RAD52: variants seen among roughly 807,000 people sequenced by gnomAD.
RAD52 encodes the protein DNA repair protein RAD52 homolog.
A neutral mutation model predicts 55.5 loss-of-function variants in RAD52; 47 were observed. That is an observed-to-expected ratio of 0.85 (90% CI 0.67 to 1.08). The LOEUF is 1.08. RAD52 is among the 50% of genes least tolerant of loss of function. The pLI, the probability that RAD52 is intolerant of heterozygous loss-of-function variation, is 0.00. For synonymous variants in RAD52, 184 were observed against 198.9 expected (o/e 0.92, Z 0.63); for missense variants, 468 against 522.8 (o/e 0.90, Z 1.02).
intron 1 of RAD52, among the ~76,000 whole-genome samples, chr12:935,399 T>C (rs939007105): frequency 4.1e-5 from 5 of 123,292 alleles, no homozygotes; most frequent in Non-Finnish European, 9.1e-5. Context: ...TTTTTTTTTT[T>C]GTAAGCGTTT....
At chr12:919,276 T>C (rs925277640) in intron 7 of RAD52, among the ~76,000 whole-genome samples, 1 of 151,998 alleles carries the variant, frequency 6.6e-6, no homozygotes, top group Non-Finnish European at 1.5e-5. Flanking sequence ...CGAAACCCCA[T>C]TTCTACTAAA....
chr12:922,200 A>AAAC (rs1555170804), intron 7 of RAD52, among the ~76,000 whole-genome samples: 1 of 147,236 alleles, frequency 6.8e-6, no homozygotes, highest in Non-Finnish European at 1.5e-5. Context: ...TTAAAAAAAA[A>AAAC]AAAAAAAAAA....
chr12:926,065 C>T (rs182406170), intron 6 of RAD52, among the ~76,000 whole-genome samples: 6 of 152,244 alleles, frequency 3.9e-5, no homozygotes, highest in Admixed American at 1.3e-4. Context: ...CATGTTGAAA[C>T]GTGACCTCCA....
At chr12:936,166 C>A (rs1957616323) in intron 1 of RAD52, among the ~76,000 whole-genome samples, 1 of 151,398 alleles carries the variant, frequency 6.6e-6, no homozygotes, top group Admixed American at 6.6e-5. Context: ...TAGCCAGATG[C>A]AGTGGCGCGT....
chr12:949,047 C>A (rs183671880), intron 1 of RAD52, among the ~76,000 whole-genome samples: 5 of 152,146 alleles, frequency 3.3e-5, no homozygotes, highest in Admixed American at 3.3e-4. Context: ...AAGTGAGCGT[C>A]AAATTTTTAT....
rs368484425 is a variant in RAD52 at position 931,251 on chromosome 12, A to G, written c.155T>C (p.Ile52Thr). 1.2e-6 allele frequency: 2 copies of G among 1,612,608 alleles called. No homozygotes were observed. The highest frequency in any genetic ancestry group is 1.7e-6 in the Non-Finnish European group (2 of 1,179,656). The change falls in exon 3 of 12, where the codon ATA becomes ACA. Residue 52 changes from isoleucine (I) to threonine (T), a missense_variant. Coordinates refer to ENST00000358495, the MANE Select transcript of RAD52 (RefSeq NM_134424.4). ...GCCTCCGCCAGCCATGCGGCTACTT[A>G]TGTATTCTGGGCCCAGCCTCTGCCT... ...ALRQRLGPEYISSRMAGGGQK... is the reference protein window; with the variant it reads ...ALRQRLGPEYTSSRMAGGGQK...
rs770632712 is a variant in RAD52 at position 916,490 on chromosome 12, G to C, written c.726-7C>G. The C allele has an allele frequency of 6.2e-7, 1 of 1,606,922 alleles. No individual in the cohort carries two copies. The highest frequency in any genetic ancestry group is 1.7e-5 in the Admixed American group (1 of 59,892). On this transcript the variant is annotated splice_region_variant and splice_polypyrimidine_tract_variant and intron_variant, in intron 8 of 11. Transcript: ENST00000358495. ...GGCGGATGAGCTCAGGCTTCTGCATGAGAGGGCGGCGGCGAGGACGGGCTC... is the reference window on the plus strand; with the variant it reads ...GGCGGATGAGCTCAGGCTTCTGCATCAGAGGGCGGCGGCGAGGACGGGCTC...
At chr12:927,297 G>C in intron 5 of RAD52, 34 bp from the exon 6 acceptor site, 1 of 1,491,602 alleles carries the variant, frequency 6.7e-7, no homozygotes, top group Non-Finnish European at 9.4e-7. Context: ...ACTCAAACAC[G>C]AGAGCGGCAG....
At chr12:969,983 A>G (rs80046051) in intron 1 of RAD52, among the ~76,000 whole-genome samples, 96 of 151,994 alleles carry the variant, frequency 6.3e-4, no homozygotes, top group Middle Eastern at 3.4e-3. Flanking sequence ...AGTGAGACAC[A>G]TTGTCTTCAT....
intron 1 of RAD52, among the ~76,000 whole-genome samples, chr12:956,429 T>G (rs1399301391): frequency 6.6e-6 from 1 of 152,218 alleles, no homozygotes; most frequent in Non-Finnish European, 1.5e-5. Context: ...CTACTCCTGA[T>G]AGGAACCACA....
upstream of RAD52, chr12:990,706 T>C (rs1053913694): frequency 2.0e-5 from 3 of 151,680 alleles, no homozygotes; most frequent in African/African-American, 7.3e-5. Flanking sequence ...GGACAAAGCG[T>C]CCCCCCAGCA....
Position 931,288 on chromosome 12 carries a change from G to A in RAD52, c.118C>T (p.Gln40Ter), listed in dbSNP as rs769802409. 6.2e-7 allele frequency: 1 copy of A among 1,611,892 alleles called. No individual in the cohort carries two copies. The highest frequency in any genetic ancestry group is 1.1e-5 in the South Asian group (1 of 90,888). The change falls in exon 3 of 12, where the codon CAG becomes TAG. Residue 40 changes from glutamine (Q) to a stop codon, truncating the protein, a stop_gained. Transcript: ENST00000358495. LOFTEE classifies it high-confidence loss of function. Reference sequence around the variant, plus strand: ...CCCAGCCTCTGCCTCAGGGCCTTCTGGATGGCCTGGTACTCTTCTGCTGTG... The same window carrying A: ...CCCAGCCTCTGCCTCAGGGCCTTCTAGATGGCCTGGTACTCTTCTGCTGTG... ...QYTAEEYQAI[Q>*]KALRQRLGPE...
At chr12:932,920 C>G in intron 2 of RAD52, 55 bp downstream of exon 2, 1 of 1,555,424 alleles carries the variant, frequency 6.4e-7, no homozygotes, top group Non-Finnish European at 8.9e-7. Flanking sequence ...ACTGCCTTGC[C>G]CTAACTTTAC....
intron 1 of RAD52, among the ~76,000 whole-genome samples, chr12:960,598 G>A (rs1407628994): frequency 1.3e-5 from 2 of 152,172 alleles, no homozygotes; most frequent in African/African-American, 4.8e-5. Context: ...GAGTAGCTGG[G>A]ACTATAGGCA....
chr12:942,430 T>C lies in RAD52; in HGVS notation c.-19+7172A>G, dbSNP rs1957967657. 4.6e-5 allele frequency among the ~76,000 whole-genome samples: 7 copies of C among 152,080 alleles called. No homozygotes were observed. The South Asian group carries it at 1.0e-3, about 22-fold the overall frequency. On this transcript the variant is annotated intron_variant, in intron 1 of 11. Transcript: ENST00000358495. ...ATTCACCTAAACTAGAAATGGGTGA[T>C]AGGCTTAAACATAAAACTAAAACTA...
rs527677525 is a variant in RAD52 at position 924,027 on chromosome 12, C to A, written c.543+1423G>T. On this transcript the variant is annotated intron_variant, in intron 7 of 11. Transcript: ENST00000358495. ...TGAGCTGAGATCACACTACTGCACT[C>A]CAGCCTGGGCGACAGAGTGAGACTA... Among the ~76,000 whole-genome samples, 303 of 146,214 alleles carry A rather than the reference C, an allele frequency of 2.1e-3. 1 individual carries two copies. The highest frequency in any genetic ancestry group is 3.2e-3 in the Non-Finnish European group (214 of 66,308).
At chr12:924,833 G>C (rs1036061625) in intron 7 of RAD52, among the ~76,000 whole-genome samples, 5 of 152,188 alleles carry the variant, frequency 3.3e-5, no homozygotes, top group Non-Finnish European at 7.4e-5. Flanking sequence ...AAGGACAGTG[G>C]TGCTGCAGAG....
At chr12:953,079 C>T (rs1183182071), upstream of RAD52, among the ~76,000 whole-genome samples, 4 of 129,550 alleles carry the variant, frequency 3.1e-5, no homozygotes, top group African/African-American at 5.9e-5. Context: ...GGGAGGGGGG[C>T]GGATCACTTG....
chr12:923,498 T>C (rs1344378305), intron 7 of RAD52, among the ~76,000 whole-genome samples: 1 of 150,288 alleles, frequency 6.7e-6, no homozygotes, highest in Non-Finnish European at 1.5e-5. Flanking sequence ...AGTGCAAGGA[T>C]GCAGTGAATT....
Sources: allele counts gnomAD v4.1 joint callset (sites outside exome capture counted in the v4.1 genomes callset), GRCh38; gene constraint gnomAD v4.1.1; transcripts MANE v1.5; gene names NCBI Gene and HGNC (gene_info 2026-07-23, HGNC 2026-07-21).